The following SHROOM3 variants were observed in gnomAD, a reference collection of about 807,000 sequenced individuals.
SHROOM3 encodes the protein shroom family member 3.
SHROOM3 carries 47 observed loss-of-function variants against 138.6 expected under a neutral mutation model. That is an observed-to-expected ratio of 0.34 (90% CI 0.27 to 0.43). SHROOM3 has a LOEUF of 0.43. Ranked by LOEUF, SHROOM3 falls within the 20% of genes least tolerant of loss-of-function variation. The pLI, the probability that SHROOM3 is intolerant of heterozygous loss-of-function variation, is 1.00. For missense variants in SHROOM3, 2,491 were observed against 2,596.5 expected (o/e 0.96, Z 0.88); for synonymous variants, 1,062 against 1,063.3 (o/e 1.00, Z 0.02).
intron 2 of SHROOM3, among the ~76,000 whole-genome samples, chr4:76,670,558 T>C (rs977701513): frequency 6.6e-6 from 1 of 152,156 alleles, no homozygotes; most frequent in African/African-American, 2.4e-5. Flanking sequence ...ATACTTTTTT[T>C]TAAAAAAGGC....
chr4:76,657,865 C>T (rs150915951), intron 2 of SHROOM3, among the ~76,000 whole-genome samples: 85 of 152,324 alleles, frequency 5.6e-4, no homozygotes, highest in African/African-American at 1.9e-3. Context: ...CCCAAGGATA[C>T]ATATTCTAAG....
rs377511029 is a variant in SHROOM3, at chr4:76,740,150, G to A, written c.1977G>A (p.Lys659=). 1 of 1,613,798 alleles carries A rather than the reference G, an allele frequency of 6.2e-7. No homozygotes were observed. The highest frequency in any genetic ancestry group is 1.3e-5 in the African/African-American group (1 of 74,946). ...TGTCAGGCAACTTTGGCAAGACCAA[G>A]TCAGCCTTCTCATCTCTCCAGAACA... ...QSLSGNFGKT[K]SAFSSLQNIP... Residue 659 remains lysine (K), a synonymous_variant, in exon 5 of 11, where the codon AAG becomes AAA. Coordinates refer to ENST00000296043, the MANE Select transcript of SHROOM3 (RefSeq NM_020859.4). This position sits in a 1 kb window ranked among gnomAD's most constrained non-coding sequence, Gnocchi z 4.0.
At position 76,591,401 on chromosome 4, in the gene SHROOM3, T is replaced by G. The variant is rs147599504; in HGVS notation, c.323+35638T>G. On this transcript the variant is annotated intron_variant, in intron 2 of 10. Transcript: ENST00000296043. ...GCTGTGGCACAACCCTGGGAAAACA[T>G]TTTCATGAGAACTTTTAGATCTCCT... Among the ~76,000 whole-genome samples, 966 of 152,348 alleles carry G rather than the reference T, an allele frequency of 6.3e-3. 5 individuals are homozygous for G. Among genetic ancestry groups the G allele is most frequent in the African/African-American group, 0.022 (900 of 41,594 alleles).
chr4:76,693,439 A>C (rs966641182), intron 2 of SHROOM3, among the ~76,000 whole-genome samples: 2 of 133,904 alleles, frequency 1.5e-5, no homozygotes, highest in East Asian at 4.9e-4. Flanking sequence ...GCTGGAGTGC[A>C]GTGGCACAAT....
chr4:76,438,723 T>C (rs1730609926), intron 1 of SHROOM3, among the ~76,000 whole-genome samples: 3 of 151,504 alleles, frequency 2.0e-5, no homozygotes. Context: ...CAGAAGTCTG[T>C]GAGCCTTTTT....
intron 2 of SHROOM3, among the ~76,000 whole-genome samples, chr4:76,602,864 A>C (rs542053813): frequency 6.6e-6 from 1 of 152,336 alleles, no homozygotes; most frequent in East Asian, 1.9e-4. Flanking sequence ...CCTTATCTTC[A>C]AAATGAGGAT....
At chr4:76,768,298 A>G (rs1311332986) in intron 9 of SHROOM3, among the ~76,000 whole-genome samples, 1 of 152,182 alleles carries the variant, frequency 6.6e-6, no homozygotes, top group Non-Finnish European at 1.5e-5. Flanking sequence ...ATATGCGCTG[A>G]TATCACAGTG....
At chr4:76,653,963 T>C (rs1330757506) in intron 2 of SHROOM3, among the ~76,000 whole-genome samples, 1 of 152,192 alleles carries the variant, frequency 6.6e-6, no homozygotes, top group East Asian at 1.9e-4. Flanking sequence ...TTGCCTTAAA[T>C]AGAAGACTCT....
At chr4:76,598,337 G>A (rs567905696) in intron 2 of SHROOM3, among the ~76,000 whole-genome samples, 16 of 152,280 alleles carry the variant, frequency 1.1e-4, no homozygotes, top group Non-Finnish European at 1.9e-4. Flanking sequence ...AAAAATCTAT[G>A]ATTATAACAG....
intron 2 of SHROOM3, among the ~76,000 whole-genome samples, chr4:76,602,865 A>G (rs1734534405): frequency 6.6e-6 from 1 of 152,210 alleles, no homozygotes. Flanking sequence ...CTTATCTTCA[A>G]AATGAGGATA....
Position 76,577,939 on chromosome 4 carries a change from T to A in SHROOM3, c.323+22176T>A, listed in dbSNP as rs532577572. On this transcript the variant is annotated intron_variant, in intron 2 of 10. Coordinates refer to ENST00000296043, the MANE Select transcript of SHROOM3 (RefSeq NM_020859.4). ...TGTTAATAAAAGATAGTGATATATT[T>A]TCTCTCTCTTCTTCTTACTGTGTTC... Among the ~76,000 whole-genome samples, 14 of 152,342 alleles carry A rather than the reference T, an allele frequency of 9.2e-5. No homozygotes were observed. In the South Asian group the frequency reaches 2.9e-3, roughly 32 times the overall value.
At chr4:76,723,394 T>C (rs1720607418) in intron 3 of SHROOM3, among the ~76,000 whole-genome samples, 1 of 152,260 alleles carries the variant, frequency 6.6e-6, no homozygotes, top group African/African-American at 2.4e-5. Context: ...TTTGGAGCTA[T>C]ATATTCTTCT....
chr4:76,755,878 G>C (rs146802272), intron 7 of SHROOM3, among the ~76,000 whole-genome samples: 11 of 152,178 alleles, frequency 7.2e-5, no homozygotes, highest in African/African-American at 2.7e-4. Flanking sequence ...ATAGTCCCTA[G>C]AACAAGTAAT....
rs151055956 is a variant in SHROOM3, at chr4:76,744,908, C to G, written c.3753+2982C>G. Among the ~76,000 whole-genome samples the G allele has an allele frequency of 2.9e-3, 444 of 152,328 alleles. 18 individuals carry two copies. The East Asian group carries it at 0.077, about 26-fold the overall frequency. On this transcript the variant is annotated intron_variant, in intron 5 of 10. Coordinates refer to ENST00000296043, the MANE Select transcript of SHROOM3 (RefSeq NM_020859.4). ...TTTCTGCCTCCAAAAACAAAGTCATCATGGAAATCAGTTCCTCTGTATGTG... is the reference window on the plus strand; with the variant it reads ...TTTCTGCCTCCAAAAACAAAGTCATGATGGAAATCAGTTCCTCTGTATGTG...
In SHROOM3 at chr4:76,613,577, A is replaced by C. The variant is rs1347851054; in HGVS notation, c.323+57814A>C. 3.9e-5 allele frequency among the ~76,000 whole-genome samples: 6 copies of C among 152,230 alleles called. No homozygotes were observed. The East Asian group carries it at 1.2e-3, about 29-fold the overall frequency. On this transcript the variant is annotated intron_variant, in intron 2 of 10. Transcript: ENST00000296043. ...TCTTGGGAACATACTACAGATGTGC[A>C]GTTCGGCATGGAAATTGGAAAACTC...
intron 1 of SHROOM3, among the ~76,000 whole-genome samples, chr4:76,549,123 A>C (rs1476412360): frequency 1.3e-5 from 2 of 152,208 alleles, no homozygotes; most frequent in Non-Finnish European, 2.9e-5. Context: ...CAAAAAAATT[A>C]CTGTTAAACT....
At chr4:76,762,983 A>C (rs1722033780) in intron 9 of SHROOM3, among the ~76,000 whole-genome samples, 1 of 152,208 alleles carries the variant, frequency 6.6e-6, no homozygotes. Flanking sequence ...GAAAAGCATA[A>C]GGAGAAACCA....
intron 1 of SHROOM3, among the ~76,000 whole-genome samples, chr4:76,511,743 A>G (rs1054543890): frequency 6.6e-6 from 1 of 152,214 alleles, no homozygotes; most frequent in South Asian, 2.1e-4. Flanking sequence ...ATATGTTCCA[A>G]TTATAAACAA....
intron 2 of SHROOM3, among the ~76,000 whole-genome samples, chr4:76,708,819 C>T (rs1226313971): frequency 6.6e-6 from 1 of 152,132 alleles, no homozygotes; most frequent in African/African-American, 2.4e-5. Flanking sequence ...GATGAGGAGC[C>T]TGAGACTCAG....
Sources: allele counts gnomAD v4.1 joint callset (sites outside exome capture counted in the v4.1 genomes callset), GRCh38; gene constraint gnomAD v4.1.1; non-coding constraint Gnocchi (gnomAD v3.1); transcripts MANE v1.5; gene names NCBI Gene and HGNC (gene_info 2026-07-23, HGNC 2026-07-21).